The following DNAH14 variants were observed in gnomAD, a reference collection of about 807,000 sequenced individuals.
DNAH14 encodes the protein axonemal beta dynein heavy chain 14.
Under a neutral mutation model 520.9 loss-of-function variants are expected in DNAH14, and 478 were observed. The observed-to-expected ratio is 0.92, with a 90% CI of 0.85 to 0.99. DNAH14 has a LOEUF of 0.99. Ranked by LOEUF, DNAH14 falls within the 50% of genes least tolerant of loss-of-function variation. The pLI, the probability that DNAH14 is intolerant of heterozygous loss-of-function variation, is 0.00. For synonymous variants in DNAH14, 1,581 were observed against 1,757.2 expected (o/e 0.90, Z 2.51); for missense variants, 4,831 against 5,234.5 (o/e 0.92, Z 2.38).
chr1:225,219,236 C>G (rs1374077324), intron 41 of DNAH14, among the ~76,000 whole-genome samples: 1 of 152,026 alleles, frequency 6.6e-6, no homozygotes, highest in Non-Finnish European at 1.5e-5. Flanking sequence ...AATCAACACC[C>G]TAACATTACA....
chr1:225,304,906 A>G lies in DNAH14; in HGVS notation c.8824-2A>G, dbSNP rs1396727339. ...TAATTCTTAAAAATTATTATTCTTC[A>G]GAACTTGAAAGAAAAACTTGCCCCA... On this transcript the variant is annotated splice_acceptor_variant, in intron 57 of 85. Transcript: ENST00000682510. LOFTEE classifies it high-confidence loss of function. 6.6e-7 allele frequency: 1 copy of G among 1,507,354 alleles called. No homozygotes were observed. The highest frequency in any genetic ancestry group is 1.4e-5 in the African/African-American group (1 of 70,124). The allele number at this position is 1,507,354 out of a possible 1,614,324, so 93.4% of individuals were successfully genotyped here. A position where few individuals can be genotyped will look rare whatever the true frequency, so the allele number is the denominator to read the frequency against.
chr1:225,282,074 A>C (rs2093639044), intron 54 of DNAH14, among the ~76,000 whole-genome samples: 1 of 152,260 alleles, frequency 6.6e-6, no homozygotes, highest in Non-Finnish European at 1.5e-5. Context: ...CAAGATGTAC[A>C]CGCTAAATAT....
intron 66 of DNAH14, among the ~76,000 whole-genome samples, chr1:225,335,083 G>A (rs888291224): frequency 4.7e-5 from 7 of 147,766 alleles, no homozygotes; most frequent in Admixed American, 2.7e-4. Context: ...ACGTACATAT[G>A]TACATATATA....
At chr1:225,090,017 T>C (rs528986278) in intron 21 of DNAH14, among the ~76,000 whole-genome samples, 77 of 152,216 alleles carry the variant, frequency 5.1e-4, no homozygotes, top group Middle Eastern at 6.8e-3. Context: ...AGAAGTAAAA[T>C]ATCATTTGTA....
At chr1:225,002,744 G>C (rs1359039541) in intron 8 of DNAH14, 39 bp from the exon 9 acceptor site, 1 of 1,521,926 alleles carries the variant, frequency 6.6e-7, no homozygotes, top group African/African-American at 1.4e-5. Flanking sequence ...TATTCATTTT[G>C]AATGAGAGAT....
At chr1:225,244,068 T>A (rs2092129711) in intron 43 of DNAH14, among the ~76,000 whole-genome samples, 1 of 152,034 alleles carries the variant, frequency 6.6e-6, no homozygotes, top group Non-Finnish European at 1.5e-5. Context: ...GAGTGTTGAA[T>A]TTATCGAAGG....
intron 37 of DNAH14, among the ~76,000 whole-genome samples, chr1:225,186,833 A>G (rs1296122184): frequency 1.3e-5 from 2 of 151,928 alleles, no homozygotes; most frequent in East Asian, 3.9e-4. Flanking sequence ...TGATTCTCAC[A>G]TGTTTAATAG....
At chr1:225,184,740 A>T (rs1171436830) in intron 36 of DNAH14, among the ~76,000 whole-genome samples, 1 of 152,108 alleles carries the variant, frequency 6.6e-6, no homozygotes, top group Non-Finnish European at 1.5e-5. Context: ...TCAAAGGAAC[A>T]TATCTTAAAA....
In DNAH14 at chr1:225,309,890, G is replaced by C. The variant is rs377222842; in HGVS notation, c.9240+1480G>C. On this transcript the variant is annotated intron_variant, in intron 60 of 85. Transcript: ENST00000682510. ...CCTGGTGAGAGAGCAAGACTCGGAG[G>C]GGGGAGGGATAGCATTAGGAGATAT... Among the ~76,000 whole-genome samples, 79 of 152,076 alleles carry C rather than the reference G, an allele frequency of 5.2e-4. No homozygotes were observed. The South Asian group carries it at 8.3e-3, about 16-fold the overall frequency.
Position 225,042,973 on chromosome 1 carries a change from T to A in DNAH14, c.1627T>A (p.Cys543Ser). ...SKENFHESDQ[C>S]PEECVMFEDE... ...AGAGAACTTTCATGAGTCTGACCAG[T>A]GCCCTGAAGAGTGTGTGATGTTTGA... Residue 543 changes from cysteine to serine, a missense_variant, in exon 13 of 86, where the codon TGC (cysteine) becomes AGC (serine). Coordinates refer to ENST00000682510, the MANE Select transcript of DNAH14 (RefSeq NM_001367479.1). 6.4e-7 allele frequency: 1 copy of A among 1,551,948 alleles called. No individual in the cohort carries two copies. Among genetic ancestry groups the A allele is most frequent in the African/African-American group, 1.4e-5 (1 of 73,162 alleles).
chr1:225,315,765 G>C (rs1450654532), intron 60 of DNAH14, among the ~76,000 whole-genome samples: 4 of 152,226 alleles, frequency 2.6e-5, no homozygotes, highest in Non-Finnish European at 5.9e-5. Context: ...ACCAGCGAAG[G>C]CTGCAGAACA....
chr1:225,248,174 A>G (rs2092389975), intron 43 of DNAH14, among the ~76,000 whole-genome samples: 1 of 152,214 alleles, frequency 6.6e-6, no homozygotes, highest in Non-Finnish European at 1.5e-5. Context: ...ATTCGGACAT[A>G]TGAAGACTGA....
At chr1:225,321,073 C>T (rs2094547598) in intron 61 of DNAH14, among the ~76,000 whole-genome samples, 1 of 152,028 alleles carries the variant, frequency 6.6e-6, no homozygotes, top group Admixed American at 6.5e-5. Flanking sequence ...TTATCTTTCC[C>T]ATTATTTCAA....
At chr1:225,169,423 A>G (rs1411647196) in intron 36 of DNAH14, among the ~76,000 whole-genome samples, 3 of 152,232 alleles carry the variant, frequency 2.0e-5, no homozygotes, top group Non-Finnish European at 4.4e-5. Flanking sequence ...ATGGCTAACT[A>G]CAATAACCAA....
chr1:225,070,856 A>G (rs956638588), intron 17 of DNAH14, among the ~76,000 whole-genome samples: 3 of 152,090 alleles, frequency 2.0e-5, no homozygotes, highest in African/African-American at 7.2e-5. Flanking sequence ...TTATAAATCT[A>G]GGTGCTCCAG....
At chr1:225,315,664 T>A (rs1183322174) in intron 60 of DNAH14, among the ~76,000 whole-genome samples, 1 of 152,236 alleles carries the variant, frequency 6.6e-6, no homozygotes, top group Non-Finnish European at 1.5e-5. Flanking sequence ...GCTATTGCTT[T>A]CTGTTTGTTA....
intron 58 of DNAH14, among the ~76,000 whole-genome samples, chr1:225,305,723 A>G (rs547508888): frequency 5.8e-4 from 89 of 152,272 alleles, no homozygotes; most frequent in Non-Finnish European, 9.6e-4. Flanking sequence ...TATATAACCT[A>G]TATGGAGACA....
chr1:225,034,979 T>C (rs1438573443), intron 11 of DNAH14, among the ~76,000 whole-genome samples: 2 of 152,076 alleles, frequency 1.3e-5, no homozygotes, highest in African/African-American at 4.8e-5. Flanking sequence ...TCTTGATTAG[T>C]GTAGCTAGTA....
intron 66 of DNAH14, 36 bp downstream of exon 66, chr1:225,333,542 A>G: frequency 2.0e-6 from 3 of 1,503,930 alleles, no homozygotes; most frequent in Non-Finnish European, 2.7e-6. Flanking sequence ...TTAAGTGGCT[A>G]TTATTGTTTA....
Sources: gnomAD v4.1 joint callset for allele counts (sites outside exome capture counted in the v4.1 genomes callset) on GRCh38, gnomAD v4.1.1 for gene constraint, MANE v1.5 for transcripts, NCBI Gene and HGNC (gene_info 2026-07-23, HGNC 2026-07-21) for gene names.